Variants in APPL2 observed in about 807,000 individuals in gnomAD.
APPL2 encodes DCC-interacting protein 13-beta.
Under a neutral mutation model 92.7 loss-of-function variants are expected in APPL2, and 84 were observed. The observed-to-expected ratio is 0.91, with a 90% CI of 0.76 to 1.09. The LOEUF is 1.09. APPL2 is among the 50% of genes least tolerant of loss of function. APPL2 has a pLI of 0.00. For missense variants in APPL2, 736 were observed against 824.5 expected (o/e 0.89, Z 1.31); for synonymous variants, 291 against 291.0 (o/e 1.00, Z 0.00).
chr12:105,211,143 C>T, intron 5 of APPL2, 87 bp downstream of exon 5: 2 of 957,190 alleles, frequency 2.1e-6, no homozygotes, highest in Non-Finnish European at 3.3e-6. Flanking sequence ...CAGCGATCCA[C>T]ACATTGAAAG....
chr12:105,230,123 C>T (rs151103126), intron 1 of APPL2, among the ~76,000 whole-genome samples: 16 of 152,214 alleles, frequency 1.1e-4, no homozygotes, highest in Admixed American at 3.3e-4. Context: ...TTCAAACTCA[C>T]GGCCAAGAAA....
At chr12:105,206,357 AC>A (rs1203115048) in intron 8 of APPL2, among the ~76,000 whole-genome samples, 6 of 152,034 alleles carry the variant, frequency 3.9e-5, no homozygotes, top group African/African-American at 1.5e-4. Flanking sequence ...TGCCTTTCTC[AC>A]GGGCCAAAGG....
intron 17 of APPL2, chr12:105,177,564 A>G: frequency 2.6e-6 from 1 of 389,272 alleles, no homozygotes; most frequent in Non-Finnish European, 4.7e-6. Flanking sequence ...TCTGCTATAT[A>G]ATATGGATGG....
intron 17 of APPL2, chr12:105,177,588 C>T (rs1227039990): frequency 2.8e-5 from 7 of 247,260 alleles, no homozygotes; most frequent in Non-Finnish European, 5.4e-5. Context: ...ATATTCTGTA[C>T]AGCCTCCCTC....
chr12:105,225,159 A>AT (rs1041462215), intron 2 of APPL2, among the ~76,000 whole-genome samples: 1 of 151,994 alleles, frequency 6.6e-6, no homozygotes, highest in Non-Finnish European at 1.5e-5. Flanking sequence ...TACTTAAAAA[A>AT]AAAAAAGCAA....
rs1054775393 is a variant in APPL2 at position 105,174,170 on chromosome 12, C to T, written c.*144G>A. ...ATTTCTTAGTTTCCCTCCCAAGTCT[C>T]AGTATCAAGGCATCAAGATTACATT... is the stretch of plus-strand genomic sequence containing the variant. On this transcript the variant is annotated 3_prime_UTR_variant, in exon 21 of 21. Transcript: ENST00000258530. 4 of 972,512 alleles carry T rather than the reference C, an allele frequency of 4.1e-6. No homozygotes were observed. The highest frequency in any genetic ancestry group is 3.1e-5 in the Admixed American group (1 of 32,336). The allele number at this position is 972,512 out of a possible 1,614,324, so 60.2% of individuals were successfully genotyped here.
intron 5 of APPL2, 29 bp from the exon 6 acceptor site, chr12:105,208,228 A>G (rs1888916994): frequency 6.2e-7 from 1 of 1,613,448 alleles, no homozygotes; most frequent in Admixed American, 1.7e-5. Flanking sequence ...ACCGTCTTAG[A>G]GCAATGAAAA....
chr12:105,195,522 G>C (rs1389110163), intron 12 of APPL2, 21 bp from the exon 13 acceptor site: 1 of 1,614,010 alleles, frequency 6.2e-7, no homozygotes, highest in Non-Finnish European at 8.5e-7. Context: ...CATTAAAAAA[G>C]AACACTGAAT....
At chr12:105,178,271 T>TTTTATAGTAACAA (rs766595860) in intron 17 of APPL2, among the ~76,000 whole-genome samples, 3 of 152,216 alleles carry the variant, frequency 2.0e-5, no homozygotes, top group Admixed American at 6.5e-5. Flanking sequence ...TTACTATACA[T>TTTTATAGTAACAA]TTTATAGGTG....
intron 14 of APPL2, 57 bp downstream of exon 14, chr12:105,195,204 A>C: frequency 6.5e-7 from 1 of 1,528,090 alleles, no homozygotes; most frequent in East Asian, 2.3e-5. Context: ...CTCATTTCGT[A>C]TTCCTAATCA....
intron 4 of APPL2, among the ~76,000 whole-genome samples, chr12:105,214,838 T>G (rs753122388): frequency 6.6e-6 from 1 of 152,160 alleles, no homozygotes; most frequent in Non-Finnish European, 1.5e-5. Flanking sequence ...CCCGCCCCCA[T>G]CTTCCAGGAA....
intron 9 of APPL2, among the ~76,000 whole-genome samples, chr12:105,202,813 G>T (rs889540824): frequency 3.3e-5 from 5 of 152,132 alleles, no homozygotes; most frequent in African/African-American, 1.2e-4. Context: ...CTGTCTCAAT[G>T]CTCAGCACTG....
chr12:105,203,805 T>C lies in APPL2; in HGVS notation c.622-20A>G. On this transcript the variant is annotated intron_variant, in intron 8 of 20. Transcript: ENST00000258530. ...GTTAATCTGAAAGATATAATTATAA[T>C]ATTCTGAAAATCATCCAGGGAAGTG... 6.3e-7 allele frequency: 1 copy of C among 1,595,338 alleles called. No individual in the cohort carries two copies. Among genetic ancestry groups the C allele is most frequent in the Non-Finnish European group, 8.6e-7 (1 of 1,163,034 alleles).
rs764763548 is a variant in APPL2 at position 105,176,091 on chromosome 12, G to C, written c.1813-9C>G. ...TTAATAGCATAACATATCTGCAAAA[G>C]ACAAGAAAAGTAGTGATTGGCAAAA... On this transcript the variant is annotated splice_polypyrimidine_tract_variant and intron_variant, in intron 19 of 20. Coordinates refer to ENST00000258530, the MANE Select transcript of APPL2 (RefSeq NM_018171.5). 16 of 1,590,914 alleles carry C rather than the reference G, an allele frequency of 1.0e-5. No individual in the cohort carries two copies. The highest frequency in any genetic ancestry group is 1.2e-5 in the Non-Finnish European group (14 of 1,171,570).
chr12:105,191,425 G>C (rs1232823486), intron 14 of APPL2, among the ~76,000 whole-genome samples: 4 of 152,186 alleles, frequency 2.6e-5, no homozygotes, highest in Non-Finnish European at 4.4e-5. Flanking sequence ...TTTAAGAGAG[G>C]GCTGTGATAT....
chr12:105,188,480 T>TTTAC (rs954695680), intron 16 of APPL2, 33 bp from the exon 17 acceptor site: 1 of 1,608,596 alleles, frequency 6.2e-7, no homozygotes, highest in African/African-American at 1.3e-5. Flanking sequence ...CAGGATCTCA[T>TTTAC]TTACTTCCTG....
rs2136005154 is a variant in APPL2, at chr12:105,207,070, G to T, written c.612C>A (p.Ala204=). 1 of 1,613,938 alleles carries T rather than the reference G, an allele frequency of 6.2e-7. No homozygotes were observed. The change falls in exon 8 of 21, where the codon GCC becomes GCA. Residue 204 remains alanine (A), a synonymous_variant. Coordinates refer to ENST00000258530, the MANE Select transcript of APPL2 (RefSeq NM_018171.5). ...GGAGGGACTCCCCTACCTGTCCATG[G>T]GCAAAGCCTATCATGGGCTCCATCA... ...MAMMEPMIGF[A]HGQINFFKKG...
intron 17 of APPL2, among the ~76,000 whole-genome samples, chr12:105,184,990 A>G (rs1236884995): frequency 6.6e-6 from 1 of 152,160 alleles, no homozygotes; most frequent in Non-Finnish European, 1.5e-5. Flanking sequence ...GTCTGGCTAC[A>G]GCAGTTTTAT....
intron 4 of APPL2, among the ~76,000 whole-genome samples, chr12:105,214,944 C>T (rs1324935888): frequency 1.3e-5 from 2 of 152,198 alleles, no homozygotes; most frequent in Non-Finnish European, 2.9e-5. Context: ...GTCATTAAAA[C>T]ACCTGGCAGA....
Sources: allele counts gnomAD v4.1 joint callset (sites outside exome capture counted in the v4.1 genomes callset), GRCh38; gene constraint gnomAD v4.1.1; transcripts MANE v1.5; gene names NCBI Gene and HGNC (gene_info 2026-07-23, HGNC 2026-07-21).